The following KLHL4 variants were observed in gnomAD, a reference collection of about 807,000 sequenced individuals.
KLHL4 encodes kelch-like protein 4.
In KLHL4, 17 loss-of-function variants were observed where a neutral mutation model predicts 45.8. The observed-to-expected ratio is 0.37, with a 90% CI of 0.25 to 0.56. KLHL4 has a LOEUF of 0.56. KLHL4 is among the 20% of genes least tolerant of loss of function. The probability of loss-of-function intolerance (pLI) is 0.79; values close to 1 mark genes in which losing one functional copy is unlikely to be tolerated. For missense variants in KLHL4, 544 were observed against 544.9 expected (o/e 1.00, Z 0.02); for synonymous variants, 224 against 189.9 (o/e 1.18, Z -1.47).
At chrX:87,532,745 TG>T (rs1162365390) in intron 1 of KLHL4, among the ~76,000 whole-genome samples, 1 of 108,277 alleles carries the variant, frequency 9.2e-6, no homozygotes. Flanking sequence ...TGTCTGTTAT[TG>T]GTGTATAAGA....
At chrX:87,567,572 TTAATGAA>T (rs1932241106) in intron 1 of KLHL4, among the ~76,000 whole-genome samples, 1 of 111,754 alleles carries the variant, frequency 8.9e-6, no homozygotes. Context: ...CATCAACTGA[TTAATGAA>T]TAAACAAAAA....
chrX:87,551,043 T>G (rs1382316854), intron 1 of KLHL4, among the ~76,000 whole-genome samples: 2 of 110,897 alleles, frequency 1.8e-5, no homozygotes, highest in African/African-American at 6.5e-5. Context: ...TGCATCCAAA[T>G]CAGTGAAGAG....
intron 6 of KLHL4, among the ~76,000 whole-genome samples, chrX:87,628,404 GAAAA>G (rs1473313865): frequency 9.0e-6 from 1 of 110,956 alleles, no homozygotes; most frequent in Non-Finnish European, 1.9e-5. Flanking sequence ...AGAAAAAAGA[GAAAA>G]AGAAAGAAAA....
intron 10 of KLHL4, among the ~76,000 whole-genome samples, chrX:87,666,110 A>G (rs1602473694): frequency 8.9e-6 from 1 of 111,909 alleles, no homozygotes; most frequent in African/African-American, 3.2e-5. Flanking sequence ...AGAGTGAAAG[A>G]GAACTAACAG....
intron 9 of KLHL4, among the ~76,000 whole-genome samples, chrX:87,661,146 G>A (rs1224372211): frequency 9.0e-6 from 1 of 111,522 alleles, no homozygotes; most frequent in Non-Finnish European, 1.9e-5. Flanking sequence ...GTCTTATAAT[G>A]GCAATTTTCT....
chrX:87,611,611 C>G (rs1922372663), intron 1 of KLHL4, among the ~76,000 whole-genome samples: 1 of 109,878 alleles, frequency 9.1e-6, no homozygotes, highest in African/African-American at 3.3e-5. Flanking sequence ...ATGTACAGTA[C>G]ATAGTACCTT....
chrX:87,656,784 G>T (rs997850122), intron 9 of KLHL4, among the ~76,000 whole-genome samples: 6 of 111,196 alleles, frequency 5.4e-5, no homozygotes, highest in African/African-American at 1.6e-4. Flanking sequence ...TTCCAGAATT[G>T]TTCCATTGGT....
chrX:87,552,086 A>ACAG (rs1491317394), intron 1 of KLHL4, among the ~76,000 whole-genome samples: 2 of 111,773 alleles, frequency 1.8e-5, no homozygotes. Flanking sequence ...TGGCAAAAAA[A>ACAG]CAGTCACCTG....
chrX:87,595,281 A>G (rs900610963), intron 1 of KLHL4, among the ~76,000 whole-genome samples: 39 of 111,270 alleles, frequency 3.5e-4, no homozygotes, highest in Admixed American at 5.8e-4. Context: ...CCACGGTAAG[A>G]AAGTTCCAAA....
chrX:87,545,985 T>C (rs758678838), intron 1 of KLHL4, among the ~76,000 whole-genome samples: 1 of 111,655 alleles, frequency 9.0e-6, no homozygotes, highest in Non-Finnish European at 1.9e-5. Context: ...TCGGAACTTA[T>C]GTTTAAAGGG....
intron 9 of KLHL4, among the ~76,000 whole-genome samples, chrX:87,661,767 A>G (rs775690647): frequency 8.9e-6 from 1 of 111,947 alleles, no homozygotes; most frequent in East Asian, 2.8e-4. Context: ...AAAGAGAAAA[A>G]CGAGAACTTT....
rs145804723 is a variant in KLHL4, at chrX:87,543,068, T to C, written c.422+24753T>C. Among the ~76,000 whole-genome samples, 686 of 110,917 alleles carry C rather than the reference T, an allele frequency of 6.2e-3. 4 individuals carry two copies. Among genetic ancestry groups the C allele is most frequent in the Non-Finnish European group, 9.7e-3 (511 of 52,943 alleles). On this transcript the variant is annotated intron_variant, in intron 1 of 10. Transcript: ENST00000373119. ...GGCAGTTTCCCCTGCATTCTCTCTC[T>C]CTCCTGCTGCCTTGTGAAGAAGGTG...
intron 1 of KLHL4, among the ~76,000 whole-genome samples, chrX:87,526,183 C>T (rs1010141783): frequency 1.4e-4 from 16 of 112,100 alleles, no homozygotes; most frequent in Admixed American, 4.8e-4. Context: ...CTGAAAACAA[C>T]GCATGAGTAA....
chrX:87,669,458 CCTTTTTGATATGGAGGGAACACTG>C lies in KLHL4; in HGVS notation c.*2925_*2948del. The C allele has an allele frequency of 2.6e-6, 3 of 1,175,998 alleles. No individual in the cohort carries two copies. Among genetic ancestry groups the C allele is most frequent in the Non-Finnish European group, 3.4e-6 (3 of 874,494 alleles). ...ATCTGACTCAGGTGTGGCTGTTGCC[CCTTTTTGATATGGAGGGAACACTG>C]AAAGACAGTTTCCTTCTGGAGTTCC... On this transcript the variant is annotated 3_prime_UTR_variant, in exon 11 of 11. Transcript: ENST00000373119.
chrX:87,592,400 T>C (rs1921700873), intron 1 of KLHL4, among the ~76,000 whole-genome samples: 1 of 111,189 alleles, frequency 9.0e-6, no homozygotes, highest in South Asian at 3.8e-4. Flanking sequence ...CTGGATAATA[T>C]GATAATTCTA....
intron 9 of KLHL4, among the ~76,000 whole-genome samples, chrX:87,640,698 T>C (rs1354195816): frequency 2.7e-5 from 3 of 111,462 alleles, no homozygotes; most frequent in African/African-American, 9.8e-5. Context: ...CTTAAGGTAA[T>C]GAAAGCCATC....
intron 1 of KLHL4, among the ~76,000 whole-genome samples, chrX:87,523,267 T>C (rs896582500): frequency 4.5e-5 from 5 of 111,724 alleles, no homozygotes; most frequent in African/African-American, 1.6e-4. Context: ...TAAGACATTA[T>C]AAGTCATATG....
At chrX:87,561,494 A>T (rs1010737596) in intron 1 of KLHL4, among the ~76,000 whole-genome samples, 1 of 111,787 alleles carries the variant, frequency 8.9e-6, no homozygotes, top group Admixed American at 9.5e-5. Context: ...AAGTGATTAG[A>T]CTGGAACTTG....
At position 87,625,700 on chromosome X, in the gene KLHL4, C is replaced by A; in HGVS notation, c.1228C>A (p.Pro410Thr). The change falls in exon 6 of 11, where the codon CCT becomes ACT. Residue 410 changes from proline to threonine, a missense_variant. By Grantham distance (38) the Pro-to-Thr change is conservative (BLOSUM62 -1). Coordinates refer to ENST00000373119, the MANE Select transcript of KLHL4 (RefSeq NM_019117.5). ...GGAAGCTATGAAGTATCATCTTTTGCCTGAGAGAAGATCCATGATGCAAAG... is the reference window on the plus strand; with the variant it reads ...GGAAGCTATGAAGTATCATCTTTTGACTGAGAGAAGATCCATGATGCAAAG... ...LMEAMKYHLL[P>T]ERRSMMQSPR... is the part of the protein sequence containing the mutation. 2 of 1,207,841 alleles carry A rather than the reference C, an allele frequency of 1.7e-6. No homozygotes were observed. The highest frequency in any genetic ancestry group is 2.2e-6 in the Non-Finnish European group (2 of 892,584).
Sources: gnomAD v4.1 joint callset for allele counts (sites outside exome capture counted in the v4.1 genomes callset) on GRCh38, gnomAD v4.1.1 for gene constraint, MANE v1.5 for transcripts, NCBI Gene and HGNC (gene_info 2026-07-23, HGNC 2026-07-21) for gene names.